CCDC85C: variants seen among roughly 807,000 people sequenced by gnomAD.
CCDC85C encodes the protein coiled-coil domain-containing protein 85C.
CCDC85C carries 18 observed loss-of-function variants against 38.3 expected under a neutral mutation model. That is an observed-to-expected ratio of 0.47 (90% CI 0.33 to 0.70). The LOEUF is 0.70. Among genes scored for constraint, CCDC85C ranks in the 30% least tolerant of loss-of-function variants. The probability of loss-of-function intolerance (pLI) is 0.03; values close to 1 mark genes in which losing one functional copy is unlikely to be tolerated. For synonymous variants in CCDC85C, 264 were observed against 293.8 expected, an observed-to-expected ratio of 0.90 and a Z score of 1.04; for missense variants, 566 against 621.2, an observed-to-expected ratio of 0.91 and a Z score of 0.94.
chr14:99,579,598 C>T (rs1039704936), intron 1 of CCDC85C, among the ~76,000 whole-genome samples: 5 of 152,248 alleles, frequency 3.3e-5, no homozygotes, highest in African/African-American at 1.2e-4. Flanking sequence ...CAGCCCCAGA[C>T]AGCCCAGGCA....
rs1358316439 is a variant in CCDC85C, at chr14:99,516,321, G to T, written c.1072-35C>A. On this transcript the variant is annotated intron_variant, in intron 4 of 5. Transcript: ENST00000380243. The surrounding 1 kb of genome is among the most constrained non-coding windows in gnomAD (Gnocchi z 5.5). ...ACGGGTCTCGGGGTCAGGGGCAGAG[G>T]CCACCGGCAGACCTCGGGCAAGTCA... 5 of 1,478,424 alleles carry T rather than the reference G, an allele frequency of 3.4e-6. No homozygotes were observed. Among genetic ancestry groups the T allele is most frequent in the Non-Finnish European group, 4.6e-6 (5 of 1,082,174 alleles). The allele number at this position is 1,478,424 out of a possible 1,614,324, so 91.6% of individuals were successfully genotyped here. A position where few individuals can be genotyped will look rare whatever the true frequency, so the allele number is the denominator to read the frequency against.
rs1013080697 is a variant in CCDC85C, at chr14:99,588,657, G to C, written c.793+14510C>G. 3.9e-5 allele frequency among the ~76,000 whole-genome samples: 6 copies of C among 152,094 alleles called. No individual in the cohort carries two copies. The highest frequency in any genetic ancestry group is 2.0e-4 in the Admixed American group (3 of 15,278). On this transcript the variant is annotated intron_variant, in intron 1 of 5. Transcript: ENST00000380243. The surrounding 1 kb of genome is among the most constrained non-coding windows in gnomAD (Gnocchi z 5.0). ...AAAGGGTCCCCTGGCTGCCCTTTCT[G>C]GTCTGGGGTCAGGTCATTCCCCCAC... is the stretch of plus-strand genomic sequence containing the variant.
At chr14:99,560,728 G>A (rs1294853394) in intron 1 of CCDC85C, among the ~76,000 whole-genome samples, 3 of 152,246 alleles carry the variant, frequency 2.0e-5, no homozygotes, top group East Asian at 1.9e-4. Context: ...GAAAGGTCTT[G>A]AGGGCAGGGA....
chr14:99,525,366 T>C (rs576145532), intron 2 of CCDC85C, among the ~76,000 whole-genome samples: 38 of 152,214 alleles, frequency 2.5e-4, no homozygotes, highest in African/African-American at 7.2e-4. Flanking sequence ...CTAGGGAGCA[T>C]TGTCAGAGGG....
In CCDC85C at chr14:99,520,348, G is replaced by A. The variant is rs541967829; in HGVS notation, c.975+1785C>T. Among the ~76,000 whole-genome samples the A allele has an allele frequency of 6.6e-6, 1 of 152,130 alleles. No individual in the cohort carries two copies. The highest frequency in any genetic ancestry group is 2.1e-4 in the South Asian group (1 of 4,824). Reference sequence around the variant, plus strand: ...CTCTGGCCCTGGCCCCTCCACAGCAGCCACTTCTCCAGGCTTCATCGGCCC... The same window carrying A: ...CTCTGGCCCTGGCCCCTCCACAGCAACCACTTCTCCAGGCTTCATCGGCCC... On this transcript the variant is annotated intron_variant, in intron 3 of 5. Transcript: ENST00000380243. The surrounding 1 kb of genome is among the most constrained non-coding windows in gnomAD (Gnocchi z 4.1).
At position 99,510,845 on chromosome 14, in the gene CCDC85C, T is replaced by G; in HGVS notation, c.*4401A>C. 7.5e-7 allele frequency: 1 copy of G among 1,325,282 alleles called. No homozygotes were observed. The highest frequency in any genetic ancestry group is 9.8e-7 in the Non-Finnish European group (1 of 1,020,148). The allele number at this position is 1,325,282 out of a possible 1,614,324, so 82.1% of individuals were successfully genotyped here. The stretch of plus-strand genomic sequence containing the variant: ...TTTTCTAATCGACTTGCAGAGTAGT[T>G]GAAGTGGGTAAGCAGCAGGGTACCT... On this transcript the variant is annotated 3_prime_UTR_variant, in exon 6 of 6. Coordinates refer to ENST00000380243, the MANE Select transcript of CCDC85C (RefSeq NM_001144995.2).
Position 99,515,275 on chromosome 14 carries a change from A to G in CCDC85C, c.1231T>C (p.Ser411Pro). The change falls in exon 6 of 6, where the codon TCT becomes CCT. Residue 411 changes from serine (S) to proline (P), a missense_variant. Around this residue, in one of 3 missense-constraint regions of CCDC85C, gnomAD observed 286 missense variants for 276.4 expected, o/e 1.03. Transcript: ENST00000380243. ...SSKPSIRQHLSGNQFKGPL is the reference protein window; with the variant it reads ...SSKPSIRQHLPGNQFKGPL ...AAAGGCCCCTTGAACTGGTTCCCAG[A>G]CAGGTGCTGCCGTATGGAGGGCTTG... 2 of 1,550,798 alleles carry G rather than the reference A, an allele frequency of 1.3e-6. No homozygotes were observed. Among genetic ancestry groups the G allele is most frequent in the Non-Finnish European group, 1.7e-6 (2 of 1,146,802 alleles).
At chr14:99,546,271 G>A (rs1481294253) in intron 1 of CCDC85C, among the ~76,000 whole-genome samples, 1 of 152,016 alleles carries the variant, frequency 6.6e-6, no homozygotes, top group Non-Finnish European at 1.5e-5. Flanking sequence ...CTGCCCCGGA[G>A]CCTGCTTTCC....
intron 1 of CCDC85C, among the ~76,000 whole-genome samples, chr14:99,539,715 T>C (rs1265442460): frequency 6.6e-6 from 1 of 152,062 alleles, no homozygotes; most frequent in Non-Finnish European, 1.5e-5. Context: ...TTGACGTGAG[T>C]TCAGGAAGGA....
rs985385240 is a variant in CCDC85C at position 99,525,621 on chromosome 14, C to T, written c.868-3381G>A. ...AACAGAGCGCCTCCTGTGTGCCAGG[C>T]ACCACGCTGTGCCCCATCAGGGAGG... On this transcript the variant is annotated intron_variant, in intron 2 of 5. Coordinates refer to ENST00000380243, the MANE Select transcript of CCDC85C (RefSeq NM_001144995.2). Among the ~76,000 whole-genome samples, 6 of 152,360 alleles carry T rather than the reference C, an allele frequency of 3.9e-5. No homozygotes were observed. In the East Asian group the frequency reaches 1.2e-3, roughly 29 times the overall value.
At chr14:99,532,881 G>A (rs1254671394) in intron 2 of CCDC85C, among the ~76,000 whole-genome samples, 16 of 149,020 alleles carry the variant, frequency 1.1e-4, no homozygotes, top group African/African-American at 3.7e-4. Flanking sequence ...TCCCAGGTTT[G>A]AGCAATTCTC....
intron 1 of CCDC85C, among the ~76,000 whole-genome samples, chr14:99,573,343 T>C (rs187791700): frequency 3.2e-4 from 49 of 152,366 alleles, no homozygotes; most frequent in African/African-American, 1.2e-3. Flanking sequence ...TTTCAGAAGC[T>C]GCTCCCAGGC....
Position 99,510,540 on chromosome 14 carries a change from C to A in CCDC85C, c.*4706G>T. 2.3e-6 allele frequency: 1 copy of A among 435,598 alleles called. No individual in the cohort carries two copies. The highest frequency in any genetic ancestry group is 3.9e-6 in the Non-Finnish European group (1 of 255,898). 27.0% of individuals were successfully genotyped at this position (435,598 alleles called of 1,614,324 possible). On this transcript the variant is annotated 3_prime_UTR_variant, in exon 6 of 6. Transcript: ENST00000380243. The stretch of plus-strand genomic sequence containing the variant: ...CTCCTTCCCCCCACCTGCCATCCCA[C>A]CCCCTACTCCTGGCTACCCCCCACC...
rs2139886424 is a variant in CCDC85C, at chr14:99,510,048, G to T, written c.*5198C>A. The T allele has an allele frequency of 1.8e-6, 2 of 1,117,764 alleles. No homozygotes were observed. The highest frequency in any genetic ancestry group is 1.6e-5 in the South Asian group (1 of 63,040). 69.2% of individuals were successfully genotyped at this position (1,117,764 alleles called of 1,614,324 possible). A position where few individuals can be genotyped will look rare whatever the true frequency, so the allele number is the denominator to read the frequency against. ...CATGCGTTGGGCCACAGAGGAGGCGGGCAGCTGCTCCCTGCTCCTCTGTAA... is the reference window on the plus strand; with the variant it reads ...CATGCGTTGGGCCACAGAGGAGGCGTGCAGCTGCTCCCTGCTCCTCTGTAA... On this transcript the variant is annotated 3_prime_UTR_variant, in exon 6 of 6. Coordinates refer to ENST00000380243, the MANE Select transcript of CCDC85C (RefSeq NM_001144995.2).
chr14:99,517,044 C>G (rs1595336305), intron 4 of CCDC85C, 44 bp downstream of exon 4: 6 of 1,516,224 alleles, frequency 4.0e-6, no homozygotes, highest in Non-Finnish European at 5.4e-6. Context: ...TCACAGTGCA[C>G]CCAGCATCTG....
chr14:99,597,578 G>C (rs1275029610), intron 1 of CCDC85C, among the ~76,000 whole-genome samples: 2 of 152,170 alleles, frequency 1.3e-5, no homozygotes, highest in African/African-American at 4.8e-5. Flanking sequence ...TCTTGCTTGT[G>C]GGCACTGAAG....
rs539684383 is a variant in CCDC85C at position 99,500,521 on chromosome 14, G to A, written c.*14725C>T. On this transcript the variant is annotated 3_prime_UTR_variant, in exon 6 of 6. Transcript: ENST00000380243. The stretch of plus-strand genomic sequence containing the variant: ...TATTGAAAATAATAATATTTTTAAG[G>A]ATCTTTTGTTTTCAGTATTTTTTTT... The A allele has an allele frequency of 1.2e-5, 5 of 426,686 alleles. No individual in the cohort carries two copies. Among genetic ancestry groups the A allele is most frequent in the African/African-American group, 8.3e-5 (4 of 47,968 alleles). 26.4% of individuals were successfully genotyped at this position (426,686 alleles called of 1,614,324 possible). A position where few individuals can be genotyped will look rare whatever the true frequency, so the allele number is the denominator to read the frequency against.
intron 2 of CCDC85C, among the ~76,000 whole-genome samples, chr14:99,531,310 C>G (rs1232756735): frequency 1.3e-5 from 2 of 152,110 alleles, no homozygotes; most frequent in African/African-American, 4.8e-5. Context: ...ATGGAGTCTT[C>G]ATTTATCAGC....
At chr14:99,562,432 C>G (rs1483529729) in intron 1 of CCDC85C, among the ~76,000 whole-genome samples, 1 of 152,230 alleles carries the variant, frequency 6.6e-6, no homozygotes, top group Non-Finnish European at 1.5e-5. Flanking sequence ...TGCTGGACAT[C>G]AGGCACATGG....
Sources: gnomAD v4.1 joint callset for allele counts (sites outside exome capture counted in the v4.1 genomes callset) on GRCh38, gnomAD v4.1.1 for gene constraint, gnomAD v4.1.1 regional missense constraint, Gnocchi (gnomAD v3.1) non-coding constraint, MANE v1.5 for transcripts, NCBI Gene and HGNC (gene_info 2026-07-23, HGNC 2026-07-21) for gene names.